MACROD1: variants seen among roughly 807,000 people sequenced by gnomAD.
The protein encoded by MACROD1 is ADP-ribose glycohydrolase MACROD1.
In MACROD1, 31 loss-of-function variants were observed where a neutral mutation model predicts 41.4. The observed-to-expected ratio is 0.75, with a 90% CI of 0.56 to 1.01. The LOEUF (loss-of-function observed/expected upper bound fraction) is 1.01. Ranked by LOEUF, MACROD1 falls within the 50% of genes least tolerant of loss-of-function variation. The pLI is 0.00. For synonymous variants in MACROD1, 252 were observed against 203.4 expected (o/e 1.24, Z -2.03); for missense variants, 473 against 460.0 (o/e 1.03, Z -0.26).
At chr11:64,088,777 G>C (rs1273549695) in intron 3 of MACROD1, among the ~76,000 whole-genome samples, 1 of 152,172 alleles carries the variant, frequency 6.6e-6, no homozygotes, top group African/African-American at 2.4e-5. Context: ...GACAGTAAGA[G>C]ACTGAACAGA....
At chr11:64,037,746 G>A (rs866473214) in intron 3 of MACROD1, among the ~76,000 whole-genome samples, 1 of 152,160 alleles carries the variant, frequency 6.6e-6, no homozygotes, top group African/African-American at 2.4e-5. Context: ...TGGAGGCTCC[G>A]TAGCCCACAC....
Position 64,096,396 on chromosome 11 carries a change from C to G in MACROD1, c.517+54843G>C, listed in dbSNP as rs1944576760. ...AGGTCTGCCAGGTAGAGCTGGCAGGCAAGTGGTCGTTCCTGTCCCCTCTTT... is the reference window on the plus strand; with the variant it reads ...AGGTCTGCCAGGTAGAGCTGGCAGGGAAGTGGTCGTTCCTGTCCCCTCTTT... On this transcript the variant is annotated intron_variant, in intron 3 of 10. Transcript: ENST00000255681. The surrounding 1 kb of genome is among the most constrained non-coding windows in gnomAD (Gnocchi z 4.6). 6.6e-6 allele frequency among the ~76,000 whole-genome samples: 1 copy of G among 151,676 alleles called. No homozygotes were observed. Among genetic ancestry groups the G allele is most frequent in the African/African-American group, 2.4e-5 (1 of 41,304 alleles).
chr11:64,026,063 C>T (rs953533008), intron 3 of MACROD1, among the ~76,000 whole-genome samples: 1 of 152,158 alleles, frequency 6.6e-6, no homozygotes, highest in Non-Finnish European at 1.5e-5. Flanking sequence ...CGCCGGTAAT[C>T]CCAGCTACTC....
chr11:64,158,037 G>A (rs1945696177), intron 1 of MACROD1, among the ~76,000 whole-genome samples: 1 of 152,196 alleles, frequency 6.6e-6, no homozygotes, highest in Admixed American at 6.5e-5. Context: ...GTCCCCAAAA[G>A]ACAGGTGGGA....
At chr11:64,043,071 C>T (rs1943518794) in intron 3 of MACROD1, among the ~76,000 whole-genome samples, 1 of 152,214 alleles carries the variant, frequency 6.6e-6, no homozygotes, top group Non-Finnish European at 1.5e-5. Context: ...TACTTATCAT[C>T]TGAGTACCCT....
chr11:64,056,775 C>T (rs1005408256), intron 3 of MACROD1, among the ~76,000 whole-genome samples: 2 of 152,114 alleles, frequency 1.3e-5, no homozygotes, highest in South Asian at 2.1e-4. Context: ...TGGGGTAGTG[C>T]GAACCCTGGG....
intron 3 of MACROD1, among the ~76,000 whole-genome samples, chr11:64,063,629 G>A (rs1943944093): frequency 6.6e-6 from 1 of 152,158 alleles, no homozygotes; most frequent in South Asian, 2.1e-4. Context: ...ACCACCTCTG[G>A]AGGAGTGGGG....
At chr11:64,001,377 G>A (rs925808089) in intron 4 of MACROD1, 7 of 700,626 alleles carry the variant, frequency 1.0e-5, no homozygotes, top group South Asian at 3.0e-5. Context: ...GATCGCCCAC[G>A]CCAGGAGCTC....
chr11:64,076,050 C>T (rs1470203040), intron 3 of MACROD1, among the ~76,000 whole-genome samples: 1 of 152,214 alleles, frequency 6.6e-6, no homozygotes, highest in Non-Finnish European at 1.5e-5. Flanking sequence ...TCTCTCAATC[C>T]CTCCTTCCCA....
intron 3 of MACROD1, among the ~76,000 whole-genome samples, chr11:64,108,822 G>A (rs1944809707): frequency 6.6e-6 from 1 of 152,210 alleles, no homozygotes; most frequent in East Asian, 1.9e-4. Context: ...CCCCACCTGG[G>A]GGCTGGGAAG....
intron 3 of MACROD1, among the ~76,000 whole-genome samples, chr11:64,121,269 T>C (rs1337874901): frequency 6.6e-6 from 1 of 152,230 alleles, no homozygotes; most frequent in Non-Finnish European, 1.5e-5. Flanking sequence ...CTCCTGTTCC[T>C]GGTTCTTGCA....
intron 4 of MACROD1, among the ~76,000 whole-genome samples, chr11:64,007,886 C>T (rs1339116061): frequency 6.6e-6 from 1 of 152,230 alleles, no homozygotes; most frequent in Non-Finnish European, 1.5e-5. Flanking sequence ...GCACACAGCC[C>T]CGCCTCCAGA....
chr11:64,031,396 A>G (rs1943291713), intron 3 of MACROD1, among the ~76,000 whole-genome samples: 1 of 151,396 alleles, frequency 6.6e-6, no homozygotes, highest in Non-Finnish European at 1.5e-5. Flanking sequence ...GTTGTGCATA[A>G]TGGTGGGAGG....
At chr11:64,165,656 A>G in intron 1 of MACROD1, 41 bp downstream of exon 1, 1 of 1,347,290 alleles carries the variant, frequency 7.4e-7, no homozygotes. Context: ...GCTCCACGTG[A>G]GGCCGCCCTC....
chr11:64,085,974 G>T (rs1944386534), intron 3 of MACROD1, among the ~76,000 whole-genome samples: 1 of 145,764 alleles, frequency 6.9e-6, no homozygotes, highest in South Asian at 2.4e-4. Context: ...CTCAGCAGAT[G>T]GTTAGTGGGC....
chr11:64,099,064 G>A (rs1944626953), intron 3 of MACROD1, among the ~76,000 whole-genome samples: 1 of 152,244 alleles, frequency 6.6e-6, no homozygotes, highest in Non-Finnish European at 1.5e-5. Context: ...TGCCAAGGGT[G>A]GGCAGTGGCT....
chr11:64,032,912 C>T (rs1301485094), intron 3 of MACROD1, among the ~76,000 whole-genome samples: 1 of 152,192 alleles, frequency 6.6e-6, no homozygotes, highest in Non-Finnish European at 1.5e-5. Context: ...CTGGCTGACA[C>T]CAGCCACCTC....
chr11:64,152,226 T>C, intron 2 of MACROD1, 66 bp downstream of exon 2: 1 of 1,397,464 alleles, frequency 7.2e-7, no homozygotes, highest in South Asian at 1.2e-5. Flanking sequence ...TCTTCTTGTC[T>C]GCACAATTCT....
intron 3 of MACROD1, among the ~76,000 whole-genome samples, chr11:64,025,602 G>A (rs1943213622): frequency 3.3e-5 from 5 of 152,106 alleles, no homozygotes. Flanking sequence ...GGTAAGATAG[G>A]TTCTGTGTCT....
Sources: allele counts gnomAD v4.1 joint callset (sites outside exome capture counted in the v4.1 genomes callset), GRCh38; gene constraint gnomAD v4.1.1; non-coding constraint Gnocchi (gnomAD v3.1); transcripts MANE v1.5; gene names NCBI Gene and HGNC (gene_info 2026-07-23, HGNC 2026-07-21).